Variants in CDKN2A observed in about 807,000 individuals in gnomAD.
The protein encoded by CDKN2A is cyclin dependent kinase inhibitor 2A, also known as cyclin-dependent kinase inhibitor 2A.
In CDKN2A, 3 loss-of-function variants were observed where a neutral mutation model predicts 11.1. The ratio of observed to expected loss-of-function variants is 0.27; its 90% CI spans 0.12 to 0.70. CDKN2A has a LOEUF of 0.70. Ranked by LOEUF, CDKN2A falls within the 30% of genes least tolerant of loss-of-function variation. CDKN2A has a pLI of 0.77. For missense variants in CDKN2A, 265 were observed against 233.6 expected, an observed-to-expected ratio of 1.13 and a Z score of -0.88; for synonymous variants, 122 against 108.1, an observed-to-expected ratio of 1.13 and a Z score of -0.80.
rs762508111 is a variant in CDKN2A, at chr9:21,974,651, T to G, written c.150+27A>C. On this transcript the variant is annotated intron_variant, in intron 1 of 2. Coordinates refer to ENST00000304494, the MANE Select transcript of CDKN2A (RefSeq NM_000077.5). This position sits in a 1 kb window ranked among gnomAD's most constrained non-coding sequence, Gnocchi z 5.2. ...TCCTCCAGAGTCGCCCGCCATCCCCTGCTCCCGCTGCAGACCCTCTACCCA... is the reference window on the plus strand; with the variant it reads ...TCCTCCAGAGTCGCCCGCCATCCCCGGCTCCCGCTGCAGACCCTCTACCCA... 163 of 1,614,068 alleles carry G rather than the reference T, an allele frequency of 1.0e-4. 1 individual carries two copies. Among genetic ancestry groups the G allele is most frequent in the Non-Finnish European group, 1.3e-4 (153 of 1,180,034 alleles).
intron 2 of CDKN2A, among the ~76,000 whole-genome samples, chr9:21,984,106 G>T (rs1820252762): frequency 6.6e-6 from 1 of 151,770 alleles, no homozygotes; most frequent in South Asian, 2.1e-4. Context: ...ATTCATTTAG[G>T]TCATCAAAAT....
chr9:21,972,017 A>AC (rs1039760782), intron 1 of CDKN2A, among the ~76,000 whole-genome samples: 1 of 148,144 alleles, frequency 6.8e-6, no homozygotes. Flanking sequence ...CATTCCTCCC[A>AC]CCCCCCAGCT....
upstream of CDKN2A, chr9:21,974,935 C>T (rs906120178): frequency 2.8e-6 from 4 of 1,424,698 alleles, no homozygotes; most frequent in East Asian, 2.7e-5. This position sits in a 1 kb window ranked among gnomAD's most constrained non-coding sequence, Gnocchi z 5.2. Flanking sequence ...TTTCTTCCTC[C>T]GGTGCTGGCG....
upstream of CDKN2A, among the ~76,000 whole-genome samples, chr9:21,977,337 GTTCT>G (rs1820060970): frequency 1.3e-5 from 2 of 152,002 alleles, no homozygotes; most frequent in African/African-American, 2.4e-5. Flanking sequence ...TAATACAATG[GTTCT>G]TTCTTTTTGT....
chr9:21,979,603 C>T (rs3731228), upstream of CDKN2A, among the ~76,000 whole-genome samples: 439 of 152,198 alleles, frequency 2.9e-3, 3 homozygotes, highest in African/African-American at 1.0e-2. Flanking sequence ...AAGGTCAGAA[C>T]GGGGAGGAAG....
intron 2 of CDKN2A, chr9:21,989,598 C>A (rs1186297579): frequency 6.6e-6 from 1 of 152,244 alleles, no homozygotes; most frequent in Non-Finnish European, 1.5e-5. Flanking sequence ...CAGAAGCGCA[C>A]TTTCCCCGTG....
chr9:21,993,516 A>G (rs551009482), intron 2 of CDKN2A, among the ~76,000 whole-genome samples: 1 of 152,270 alleles, frequency 6.6e-6, no homozygotes, highest in South Asian at 2.1e-4. Flanking sequence ...CTCTACCTCT[A>G]ACTCACAAAG....
In CDKN2A at chr9:21,971,169, G is replaced by A. The variant is rs2131096124; in HGVS notation, c.190C>T (p.Leu64=). 6.3e-7 allele frequency: 1 copy of A among 1,595,736 alleles called. No individual in the cohort carries two copies. Among genetic ancestry groups the A allele is most frequent in the Non-Finnish European group, 8.5e-7 (1 of 1,177,924 alleles). Residue 64 remains leucine (L), a synonymous_variant, in exon 2 of 3, where the codon CTG becomes TTG. Coordinates refer to ENST00000304494, the MANE Select transcript of CDKN2A (RefSeq NM_000077.5). ...MGSARVAELL[L]LHGAEPNCAD... Reference sequence around the variant, plus strand: ...CAGTTGGGCTCCGCGCCGTGGAGCAGCAGCAGCTCCGCCACTCGGGCGCTG... The same window carrying A: ...CAGTTGGGCTCCGCGCCGTGGAGCAACAGCAGCTCCGCCACTCGGGCGCTG...
rs3731220 is a variant in CDKN2A at position 21,984,020 on chromosome 9, C to T, written c.-4+9862G>A. On this transcript the variant is annotated intron_variant, in intron 2 of 3. Coordinates refer to the CDKN2A transcript ENST00000494262. The stretch of plus-strand genomic sequence containing the variant: ...TAAAGAATGTCAGATATATAAAAAT[C>T]CGGGTGCACGGTAGGCTCTCAATAA... Among the ~76,000 whole-genome samples, 602 of 151,994 alleles carry T rather than the reference C, an allele frequency of 4.0e-3. 7 individuals carry two copies. The highest frequency in any genetic ancestry group is 0.014 in the African/African-American group (562 of 41,514).
intron 2 of CDKN2A, among the ~76,000 whole-genome samples, chr9:21,982,218 A>G (rs1171649371): frequency 6.6e-6 from 1 of 152,104 alleles, no homozygotes; most frequent in African/African-American, 2.4e-5. Flanking sequence ...TTAAGTCACA[A>G]TTTTCAACCT....
upstream of CDKN2A, among the ~76,000 whole-genome samples, chr9:21,977,176 C>A (rs964369970): frequency 2.0e-5 from 3 of 152,068 alleles, no homozygotes; most frequent in East Asian, 1.9e-4. Flanking sequence ...ATATTTTCCT[C>A]GGGGTACCTC....
rs984927633 is a variant in CDKN2A, at chr9:21,988,712, A to G, written c.-4+5170T>C. 2.6e-5 allele frequency among the ~76,000 whole-genome samples: 4 copies of G among 152,124 alleles called. No homozygotes were observed. On this transcript the variant is annotated intron_variant, in intron 2 of 3. Coordinates refer to the CDKN2A transcript ENST00000494262. This position sits in a 1 kb window ranked among gnomAD's most constrained non-coding sequence, Gnocchi z 4.1. Reference sequence around the variant, plus strand: ...TCGAAACCTCAGCATGGTGCAATATACCTTTGTAATTAACCTGCACATGTG... The same window carrying G: ...TCGAAACCTCAGCATGGTGCAATATGCCTTTGTAATTAACCTGCACATGTG...
chr9:21,991,784 A>C lies in CDKN2A; in HGVS notation c.-4+2098T>G. On this transcript the variant is annotated intron_variant, in intron 2 of 3. Transcript: ENST00000494262. The surrounding 1 kb of genome is among the most constrained non-coding windows in gnomAD (Gnocchi z 5.2). ...TACTCAAAGAAGTAAAATGAATATA[A>C]GTCTTGATTTCTGAAAGGGCTATGG... 3 of 985,180 alleles carry C rather than the reference A, an allele frequency of 3.0e-6. No individual in the cohort carries two copies. Among genetic ancestry groups the C allele is most frequent in the African/African-American group, 1.7e-5 (1 of 57,340 alleles). 61.0% of individuals were successfully genotyped at this position (985,180 alleles called of 1,614,324 possible).
upstream of CDKN2A, among the ~76,000 whole-genome samples, chr9:21,979,659 A>G (rs1820128555): frequency 6.6e-6 from 1 of 152,208 alleles, no homozygotes; most frequent in South Asian, 2.1e-4. Context: ...TTGTTTGCAG[A>G]GTGAAAATAA....
chr9:21,992,503 T>C, intron 2 of CDKN2A: 1 of 751,972 alleles, frequency 1.3e-6, no homozygotes, highest in Non-Finnish European at 1.6e-6. Context: ...AAATGATCTA[T>C]TTCAATGAAC....
At chr9:21,993,815 GTGTGTGTGTGTGTGTGT>G (rs1563902196) in intron 2 of CDKN2A, 9 of 451,350 alleles carry the variant, frequency 2.0e-5, no homozygotes, top group Non-Finnish European at 3.3e-5. Context: ...GTGTGTGTGT[GTGTGTGTGTGTGTGTGT>G]GTGTGTGTGT....
chr9:21,978,794 A>G (rs140491272), upstream of CDKN2A, among the ~76,000 whole-genome samples: 245 of 152,318 alleles, frequency 1.6e-3, 3 homozygotes, highest in African/African-American at 5.7e-3. Flanking sequence ...AGAGGGGAGT[A>G]GGTCAAACAT....
intron 2 of CDKN2A, among the ~76,000 whole-genome samples, chr9:21,980,780 A>G (rs1820153709): frequency 2.0e-5 from 3 of 150,902 alleles, no homozygotes; most frequent in Non-Finnish European, 4.4e-5. Context: ...TAACACGGTG[A>G]AACCCCATCT....
intron 2 of CDKN2A, among the ~76,000 whole-genome samples, chr9:21,987,939 A>C (rs2131136965): frequency 6.6e-6 from 1 of 152,334 alleles, no homozygotes; most frequent in East Asian, 1.9e-4. Flanking sequence ...AATCTGAATC[A>C]AATTTTCTGA....
Sources: gnomAD v4.1 joint callset for allele counts (sites outside exome capture counted in the v4.1 genomes callset) on GRCh38, gnomAD v4.1.1 for gene constraint, Gnocchi (gnomAD v3.1) non-coding constraint, MANE v1.5 for transcripts, NCBI Gene and HGNC (gene_info 2026-07-23, HGNC 2026-07-21) for gene names.